The following DCLK2 variants were observed in gnomAD, a reference collection of about 807,000 sequenced individuals.
DCLK2 encodes serine/threonine-protein kinase DCLK2.
DCLK2 carries 31 observed loss-of-function variants against 78.4 expected under a neutral mutation model. That is an observed-to-expected ratio of 0.40 (90% CI 0.30 to 0.53). The LOEUF is 0.53. DCLK2 is among the 20% of genes least tolerant of loss of function. DCLK2 has a pLI of 0.61. For synonymous variants in DCLK2, 407 were observed against 374.9 expected, an observed-to-expected ratio of 1.09 and a Z score of -0.99; for missense variants, 872 against 973.7, an observed-to-expected ratio of 0.90 and a Z score of 1.39.
chr4:150,142,820 T>TA (rs57678637), intron 2 of DCLK2, among the ~76,000 whole-genome samples: 1 of 151,576 alleles, frequency 6.6e-6, no homozygotes, highest in Admixed American at 6.6e-5. Flanking sequence ...TTTTTTTTTT[T>TA]AATTTTAGAC....
At position 150,163,549 on chromosome 4, in the gene DCLK2, T is replaced by C. The variant is rs1298489668; in HGVS notation, c.757-29589T>C. On this transcript the variant is annotated intron_variant, in intron 2 of 15. Coordinates refer to ENST00000296550, the MANE Select transcript of DCLK2 (RefSeq NM_001040260.4). ...CACCCCATGGTGTGTGATTTCATTA[T>C]ATAACTTAATCTCTCTGAGCCCATT... Among the ~76,000 whole-genome samples the C allele has an allele frequency of 2.0e-5, 3 of 152,220 alleles. 1 individual carries two copies. The highest frequency in any genetic ancestry group is 7.2e-5 in the African/African-American group (3 of 41,474).
chr4:150,173,931 G>A lies in DCLK2; in HGVS notation c.757-19207G>A, dbSNP rs575953135. ...ACGATTTTGATGATTTAAGAGGGAA[G>A]GATTGCTGAACTCCTATGAAGTCGA... On this transcript the variant is annotated intron_variant, in intron 2 of 15. Coordinates refer to ENST00000296550, the MANE Select transcript of DCLK2 (RefSeq NM_001040260.4). Among the ~76,000 whole-genome samples the A allele has an allele frequency of 2.5e-3, 378 of 152,200 alleles. 3 individuals are homozygous for A. The highest frequency in any genetic ancestry group is 3.6e-3 in the Non-Finnish European group (246 of 68,022).
At chr4:150,115,947 A>G in intron 2 of DCLK2, among the ~76,000 whole-genome samples, 1 of 152,172 alleles carries the variant, frequency 6.6e-6, no homozygotes. Flanking sequence ...GGGAGCTCTC[A>G]GTGAAACTGC....
intron 12 of DCLK2, 74 bp from the exon 13 acceptor site, chr4:150,247,529 C>A: frequency 7.5e-7 from 1 of 1,340,274 alleles, no homozygotes; most frequent in Non-Finnish European, 1.1e-6. Context: ...TTTCCCCGCT[C>A]TTCCTGTGGA....
intron 11 of DCLK2, 27 bp from the exon 12 acceptor site, chr4:150,240,372 T>TC (rs754361386): frequency 1.2e-6 from 2 of 1,610,256 alleles, no homozygotes; most frequent in South Asian, 1.1e-5. Flanking sequence ...ATCAGTTCTC[T>TC]CCCCCTCACC....
intron 2 of DCLK2, among the ~76,000 whole-genome samples, chr4:150,170,286 C>CA (rs963582471): frequency 6.6e-6 from 1 of 152,154 alleles, no homozygotes; most frequent in African/African-American, 2.4e-5. Flanking sequence ...TCAGATGATC[C>CA]ACCCACCTCA....
At chr4:150,085,399 A>T (rs943580437) in intron 1 of DCLK2, among the ~76,000 whole-genome samples, 6 of 152,324 alleles carry the variant, frequency 3.9e-5, no homozygotes, top group African/African-American at 1.2e-4. Flanking sequence ...CCATGGTGGA[A>T]GGGTGGAAGG....
At chr4:150,127,684 T>C (rs1030481080) in intron 2 of DCLK2, among the ~76,000 whole-genome samples, 1 of 152,226 alleles carries the variant, frequency 6.6e-6, no homozygotes, top group Non-Finnish European at 1.5e-5. Flanking sequence ...CTTCTAATGC[T>C]GCACCTTCTC....
At position 150,176,083 on chromosome 4, in the gene DCLK2, A is replaced by G. The variant is rs529664204; in HGVS notation, c.757-17055A>G. 1.8e-3 allele frequency among the ~76,000 whole-genome samples: 273 copies of G among 152,232 alleles called. 3 individuals are homozygous for G. The highest frequency in any genetic ancestry group is 6.2e-3 in the African/African-American group (259 of 41,540). ...TTTATTTACGTTTGGGATCCCACTA[A>G]TGTTCGAATCCTTGCTTCTGTGCTG... is the stretch of plus-strand genomic sequence containing the variant. On this transcript the variant is annotated intron_variant, in intron 2 of 15. Transcript: ENST00000296550.
chr4:150,081,293 A>G (rs937919856), intron 1 of DCLK2, among the ~76,000 whole-genome samples: 2 of 152,236 alleles, frequency 1.3e-5, no homozygotes, highest in Admixed American at 6.5e-5. Flanking sequence ...ATGCATGTCC[A>G]TTAATAGGAG....
At chr4:150,203,602 GTT>G (rs5862912) in intron 4 of DCLK2, among the ~76,000 whole-genome samples, 191 bp from the exon 5 acceptor site, 5 of 142,034 alleles carry the variant, frequency 3.5e-5, no homozygotes, top group African/African-American at 1.3e-4. Flanking sequence ...GTTTCACTCT[GTT>G]TTTTTTTTTT....
rs757476284 is a variant in DCLK2 at position 150,079,075 on chromosome 4, C to G, written c.48C>G (p.Asp16Glu). 6.4e-6 allele frequency: 10 copies of G among 1,564,634 alleles called. No individual in the cohort carries two copies. The highest frequency in any genetic ancestry group is 2.2e-5 in the East Asian group (1 of 44,542). Residue 16 changes from aspartate (D) to glutamate (E), a missense_variant, in exon 1 of 16, where the codon GAC (aspartate) becomes GAG (glutamate). Around this residue, in one of 3 missense-constraint regions of DCLK2, gnomAD observed 567 missense variants for 593.4 expected, o/e 0.96. Transcript: ENST00000296550. Reference protein sequence around the residue: ...SIELEHFEERDKRPRPGSRRG... With the variant: ...SIELEHFEEREKRPRPGSRRG... ...AGCTGGAGCACTTTGAGGAACGGGA[C>G]AAAAGGCCGCGGCCGGGGTCGCGGA... is the stretch of plus-strand genomic sequence containing the variant.
At chr4:150,241,896 A>G (rs4696635) in intron 12 of DCLK2, among the ~76,000 whole-genome samples, 16,628 of 152,206 alleles carry the variant, frequency 0.11, 1,199 homozygotes, top group South Asian at 0.25. Flanking sequence ...CAAAGGTCCC[A>G]TCTCCTACTA....
In DCLK2 at chr4:150,078,971, C is replaced by A. The variant is rs1580455360; in HGVS notation, c.-57C>A. On this transcript the variant is annotated 5_prime_UTR_variant, in exon 1 of 16. Transcript: ENST00000296550. Reference sequence around the variant, plus strand: ...GCAGTCAGACGTCCCTGCACCGGCGCTCGCACCCTTAGTCGGCCCGGAACG... The same window carrying A: ...GCAGTCAGACGTCCCTGCACCGGCGATCGCACCCTTAGTCGGCCCGGAACG... 1 of 1,479,990 alleles carries A rather than the reference C, an allele frequency of 6.8e-7. No homozygotes were observed. The highest frequency in any genetic ancestry group is 2.4e-5 in the East Asian group (1 of 40,868). 91.7% of individuals were successfully genotyped at this position (1,479,990 alleles called of 1,614,324 possible).
At chr4:150,242,216 A>G (rs1004136118) in intron 12 of DCLK2, among the ~76,000 whole-genome samples, 2 of 152,200 alleles carry the variant, frequency 1.3e-5, no homozygotes, top group Admixed American at 1.3e-4. Flanking sequence ...CACACCTCAC[A>G]AGACTATTGA....
intron 2 of DCLK2, among the ~76,000 whole-genome samples, chr4:150,175,195 C>CTATATTTATATATATTTATAATT (rs1736972852): frequency 3.7e-5 from 3 of 81,190 alleles, no homozygotes; most frequent in Non-Finnish European, 7.2e-5. Context: ...TATAATTTAT[C>CTATATTTATATATATTTATAATT]TATATATATT....
At chr4:150,171,511 T>C (rs777530967) in intron 2 of DCLK2, among the ~76,000 whole-genome samples, 3 of 152,210 alleles carry the variant, frequency 2.0e-5, no homozygotes, top group Non-Finnish European at 2.9e-5. Context: ...TTGACTAAGT[T>C]CAATTAAAAG....
intron 1 of DCLK2, among the ~76,000 whole-genome samples, chr4:150,092,902 G>A (rs1419073526): frequency 6.6e-6 from 1 of 152,112 alleles, no homozygotes; most frequent in Non-Finnish European, 1.5e-5. Flanking sequence ...GCCCACTCTT[G>A]CCACTTCATT....
intron 2 of DCLK2, among the ~76,000 whole-genome samples, chr4:150,146,706 A>G (rs557991689): frequency 1.3e-5 from 2 of 152,168 alleles, no homozygotes; most frequent in African/African-American, 2.4e-5. Flanking sequence ...TTAGCCTTCA[A>G]TAAGTGTTGG....
Sources: gnomAD v4.1 joint callset for allele counts (sites outside exome capture counted in the v4.1 genomes callset) on GRCh38, gnomAD v4.1.1 for gene constraint, gnomAD v4.1.1 regional missense constraint, MANE v1.5 for transcripts, NCBI Gene and HGNC (gene_info 2026-07-23, HGNC 2026-07-21) for gene names.